Variants in CEP95 observed in about 807,000 individuals in gnomAD.
CEP95 encodes the protein centrosomal protein 95, also known as centrosomal protein of 95 kDa.
A neutral mutation model predicts 111.2 loss-of-function variants in CEP95; 98 were observed. That is an observed-to-expected ratio of 0.88 (90% CI 0.75 to 1.04). The LOEUF (loss-of-function observed/expected upper bound fraction) is 1.04. CEP95 is among the 50% of genes least tolerant of loss of function. The probability of loss-of-function intolerance (pLI) is 0.00; values close to 1 mark genes in which losing one functional copy is unlikely to be tolerated. For synonymous variants in CEP95, 323 were observed against 327.1 expected, an observed-to-expected ratio of 0.99 and a Z score of 0.14; for missense variants, 1,027 against 977.2, an observed-to-expected ratio of 1.05 and a Z score of -0.68.
At position 64,532,874 on chromosome 17, in the gene CEP95, C is replaced by G; in HGVS notation, c.1708C>G (p.Leu570Val). 6.2e-7 allele frequency: 1 copy of G among 1,613,646 alleles called. No homozygotes were observed. Among genetic ancestry groups the G allele is most frequent in the Non-Finnish European group, 8.5e-7 (1 of 1,179,780 alleles). ...VSEHSLLPLMLEQFPFLYVSG... is the reference protein window; with the variant it reads ...VSEHSLLPLMVEQFPFLYVSG... ...TGAACACAGTCTCCTGCCCCTTATG[C>G]TGGAGCAGTTTCCGTTTCTTTATGT... is the stretch of plus-strand genomic sequence containing the variant. Residue 570 changes from leucine (L) to valine (V), a missense_variant, in exon 15 of 20, where the codon CTG becomes GTG. Leu to Val is a conservative substitution (Grantham distance 32). Coordinates refer to ENST00000556440, the MANE Select transcript of CEP95 (RefSeq NM_138363.3).
At chr17:64,521,099 T>G (rs1555677665) in intron 6 of CEP95, among the ~76,000 whole-genome samples, 1 of 152,026 alleles carries the variant, frequency 6.6e-6, no homozygotes, top group African/African-American at 2.4e-5. Context: ...TAGCCAGGCA[T>G]GGTGGCGGGT....
chr17:64,528,432 TACAC>T (rs1355534556), intron 11 of CEP95, among the ~76,000 whole-genome samples: 4 of 152,172 alleles, frequency 2.6e-5, no homozygotes, highest in Non-Finnish European at 5.9e-5. Flanking sequence ...TTTATGTACA[TACAC>T]ATGGTATCCT....
chr17:64,522,790 C>T lies in CEP95; in HGVS notation c.804C>T (p.His268=). Residue 268 remains histidine (H), a synonymous_variant, in exon 8 of 20, where the codon CAC becomes CAT. Transcript: ENST00000556440. ...CTATTCCTTTACATCCACCCTACCA[C>T]CCTTCAGAGCCTCGAGCACCCTGCC... ...RAAIPLHPPY[H]PSEPRAPCPI... is the part of the protein sequence containing the mutation. The T allele has an allele frequency of 6.2e-7, 1 of 1,613,906 alleles. No individual in the cohort carries two copies. Among genetic ancestry groups the T allele is most frequent in the Non-Finnish European group, 8.5e-7 (1 of 1,179,824 alleles).
Position 64,527,212 on chromosome 17 carries a change from GTCT to G in CEP95, c.1255_1257del (p.Ser419del). On this transcript the variant is annotated inframe_deletion, in exon 11 of 20. Transcript: ENST00000556440. ...TAGAGGATGGAACTGAGGAGACACT[GTCT>G]CAGCACAGTGATGGCATCGTGGAGT... 1 of 1,613,790 alleles carries G rather than the reference GTCT, an allele frequency of 6.2e-7. No homozygotes were observed. The highest frequency in any genetic ancestry group is 8.5e-7 in the Non-Finnish European group (1 of 1,179,770).
In CEP95 at chr17:64,514,289, C is replaced by T. The variant is rs1555675863; in HGVS notation, c.298C>T (p.Leu100Phe). ...AGGAGATAAAGAATCTATTAAGAAT[C>T]TCCTGGAAATATTTGATGGTTTGTT... is the stretch of plus-strand genomic sequence containing the variant. ...VKGDKESIKN[L>F]LEIFDGLLEY... Residue 100 changes from leucine (L) to phenylalanine (F), a missense_variant, in exon 4 of 20, where the codon CTC becomes TTC. Leu to Phe is a conservative substitution (Grantham distance 22). Transcript: ENST00000556440. The T allele has an allele frequency of 6.7e-7, 1 of 1,498,690 alleles. No individual in the cohort carries two copies. 92.8% of individuals were successfully genotyped at this position (1,498,690 alleles called of 1,614,324 possible). A position where few individuals can be genotyped will look rare whatever the true frequency, so the allele number is the denominator to read the frequency against.
rs1368925521 is a variant in CEP95 at position 64,531,766 on chromosome 17, T to C, written c.1540-124T>C. ...AAATTTGAAGTAAGGTGGTTTGGCT[T>C]ACTGTTAGCTAAAAAACTAAAAAAC... On this transcript the variant is annotated intron_variant, in intron 13 of 19. Coordinates refer to ENST00000556440, the MANE Select transcript of CEP95 (RefSeq NM_138363.3). 12 of 623,120 alleles carry C rather than the reference T, an allele frequency of 1.9e-5. No individual in the cohort carries two copies. In the African/African-American group the frequency reaches 2.1e-4, roughly 11 times the overall value. The allele number at this position is 623,120 out of a possible 1,614,324, so 38.6% of individuals were successfully genotyped here.
rs946880349 is a variant in CEP95, at chr17:64,510,171, A to C, written c.149-2A>C. 2.5e-6 allele frequency: 4 copies of C among 1,569,216 alleles called. No homozygotes were observed. The highest frequency in any genetic ancestry group is 1.4e-5 in the African/African-American group (1 of 71,880). ...AAATTATGTGATTTTTTCCCCCCCC[A>C]GACCTCATAGTTATTCCTAGGAGTC... On this transcript the variant is annotated splice_acceptor_variant, in intron 2 of 19. Transcript: ENST00000556440. LOFTEE classifies it high-confidence loss of function.
At chr17:64,509,781 T>TA (rs1354106986) in intron 2 of CEP95, among the ~76,000 whole-genome samples, 34 of 152,046 alleles carry the variant, frequency 2.2e-4, no homozygotes, top group Non-Finnish European at 2.2e-4. Context: ...AGCCCATAGT[T>TA]ATGGGTTAAA....
chr17:64,508,141 A>G (rs1426095877), intron 1 of CEP95: 1 of 985,338 alleles, frequency 1.0e-6, no homozygotes, highest in Non-Finnish European at 1.2e-6. Context: ...TGACTTGCAC[A>G]AGATAATTGG....
At chr17:64,516,631 C>T in intron 4 of CEP95, 92 bp from the exon 5 acceptor site, 1 of 614,964 alleles carries the variant, frequency 1.6e-6, no homozygotes, top group Non-Finnish European at 2.7e-6. Context: ...GTTAGGGGTG[C>T]CTCACTGTCC....
intron 8 of CEP95, among the ~76,000 whole-genome samples, chr17:64,525,068 C>T (rs189913255): frequency 3.3e-5 from 5 of 151,946 alleles, no homozygotes; most frequent in African/African-American, 9.7e-5. Flanking sequence ...TAGCCGGACA[C>T]GGTAGCTCAT....
At position 64,521,431 on chromosome 17, in the gene CEP95, A is replaced by G; in HGVS notation, c.619A>G (p.Lys207Glu). 6.2e-7 allele frequency: 1 copy of G among 1,611,596 alleles called. No homozygotes were observed. Among genetic ancestry groups the G allele is most frequent in the Non-Finnish European group, 8.5e-7 (1 of 1,178,056 alleles). Residue 207 changes from lysine (K) to glutamate (E), a missense_variant, in exon 7 of 20, where the codon AAA (lysine) becomes GAA (glutamate). Transcript: ENST00000556440. ...TCAATGTCCTAATGAAATGCTGTCT[A>G]AAAAAGCCTTAGCCTCACCAAGTTC... Reference protein sequence around the residue: ...GAQCPNEMLSKKALASPSSKS... With the variant: ...GAQCPNEMLSEKALASPSSKS...
chr17:64,529,190 T>G (rs1351359036), intron 11 of CEP95, 98 bp from the exon 12 acceptor site: 1 of 1,059,490 alleles, frequency 9.4e-7, no homozygotes, highest in Non-Finnish European at 1.4e-6. Flanking sequence ...GCACATTCAC[T>G]CATCAGTCTC....
At chr17:64,523,930 G>T (rs1248725694) in intron 8 of CEP95, among the ~76,000 whole-genome samples, 1 of 152,250 alleles carries the variant, frequency 6.6e-6, no homozygotes, top group African/African-American at 2.4e-5. Flanking sequence ...CAACAGGCAG[G>T]TATGTACACA....
At chr17:64,536,946 A>G (rs1555681676) in intron 18 of CEP95, 95 bp from the exon 19 acceptor site, 2 of 1,307,926 alleles carry the variant, frequency 1.5e-6, no homozygotes, top group African/African-American at 3.0e-5. Flanking sequence ...CCCTATTTCC[A>G]TTAAAATGAT....
intron 11 of CEP95, among the ~76,000 whole-genome samples, chr17:64,528,054 A>G (rs567591191): frequency 5.9e-5 from 9 of 152,092 alleles, no homozygotes; most frequent in South Asian, 2.1e-4. Flanking sequence ...CATAAGGCCT[A>G]CATTTCTTCA....
rs782575164 is a variant in CEP95 at position 64,514,357 on chromosome 17, A to G, written c.366A>G (p.Lys122=). The G allele has an allele frequency of 1.4e-6, 2 of 1,399,122 alleles. No individual in the cohort carries two copies. The highest frequency in any genetic ancestry group is 1.2e-5 in the South Asian group (1 of 80,240). 86.7% of individuals were successfully genotyped at this position (1,399,122 alleles called of 1,614,324 possible). ...GCATCAGTGAAACATCTCATGAGAAAAGTAAGTTTAAGAATGGAAATTTGG... is the reference window on the plus strand; with the variant it reads ...GCATCAGTGAAACATCTCATGAGAAGAGTAAGTTTAAGAATGGAAATTTGG... ...TERISETSHE[K]SETEQYFKES... is the part of the protein sequence containing the mutation. Residue 122 remains lysine, a splice_region_variant and synonymous_variant, in exon 4 of 20, where the codon AAA becomes AAG. Coordinates refer to ENST00000556440, the MANE Select transcript of CEP95 (RefSeq NM_138363.3).
Position 64,524,394 on chromosome 17 carries a change from C to T in CEP95, c.910-1376C>T, listed in dbSNP as rs902307982. On this transcript the variant is annotated intron_variant, in intron 8 of 19. Transcript: ENST00000556440. ...TGCAGTCTGCACCCACTGCAACCTC[C>T]ACCTCCCAGGCAAGTGATTCTCCTG... is the stretch of plus-strand genomic sequence containing the variant. Among the ~76,000 whole-genome samples, 5 of 152,180 alleles carry T rather than the reference C, an allele frequency of 3.3e-5. No individual in the cohort carries two copies. The South Asian group carries it at 6.2e-4, about 19-fold the overall frequency.
chr17:64,529,162 C>G, intron 11 of CEP95, 126 bp from the exon 12 acceptor site: 2 of 751,090 alleles, frequency 2.7e-6, no homozygotes, highest in African/African-American at 1.8e-5. Flanking sequence ...AAGTTAGTTA[C>G]AGGAGAGAGT....
Sources: gnomAD v4.1 joint callset for allele counts (sites outside exome capture counted in the v4.1 genomes callset) on GRCh38, gnomAD v4.1.1 for gene constraint, MANE v1.5 for transcripts, NCBI Gene and HGNC (gene_info 2026-07-23, HGNC 2026-07-21) for gene names.